Variants in HECW2 observed in about 807,000 individuals in gnomAD.
HECW2 encodes the protein HECT, C2 and WW domain containing E3 ubiquitin protein ligase 2.
Under a neutral mutation model 175.2 loss-of-function variants are expected in HECW2, and 61 were observed. That is an observed-to-expected ratio of 0.35 (90% confidence interval 0.28 to 0.43). The LOEUF (loss-of-function observed/expected upper bound fraction) is 0.43. HECW2 is among the 20% of genes least tolerant of loss of function. The pLI is 1.00. For synonymous variants in HECW2, 671 were observed against 731.0 expected, an observed-to-expected ratio of 0.92 and a Z score of 1.32; for missense variants, 1,524 against 2,000.5, an observed-to-expected ratio of 0.76 and a Z score of 4.54.
In HECW2 at chr2:196,198,924, T is replaced by C. The variant is rs1686771464; in HGVS notation, c.*2353A>G. 6.6e-6 allele frequency: 1 copy of C among 152,192 alleles called. No homozygotes were observed. Among genetic ancestry groups the C allele is most frequent in the Non-Finnish European group, 1.5e-5 (1 of 68,020 alleles). 9.4% of individuals were successfully genotyped at this position (152,192 alleles called of 1,614,324 possible). A position where few individuals can be genotyped will look rare whatever the true frequency, so the allele number is the denominator to read the frequency against. On this transcript the variant is annotated 3_prime_UTR_variant, in exon 29 of 29. Coordinates refer to ENST00000644978, the MANE Select transcript of HECW2 (RefSeq NM_001348768.2). ...ACTAGATGATTATACTAATTAAGAA[T>C]GTCTACATACATTAAAGTGTACTGT... is the stretch of plus-strand genomic sequence containing the variant.
At chr2:196,521,314 AAAAG>A (rs1469482171) in intron 1 of HECW2, among the ~76,000 whole-genome samples, 1 of 150,752 alleles carries the variant, frequency 6.6e-6, no homozygotes, top group Admixed American at 6.6e-5. Flanking sequence ...AAAAGAAAGA[AAAAG>A]AAAATCCTAT....
intron 28 of HECW2, among the ~76,000 whole-genome samples, chr2:196,210,738 C>T (rs1168361504): frequency 2.6e-5 from 4 of 151,660 alleles, no homozygotes; most frequent in East Asian, 3.9e-4. Flanking sequence ...CTCAGCCTCC[C>T]GAGTAGCTGG....
chr2:196,363,815 TC>T (rs1693670077), intron 2 of HECW2, among the ~76,000 whole-genome samples: 1 of 152,064 alleles, frequency 6.6e-6, no homozygotes, highest in African/African-American at 2.4e-5. Flanking sequence ...CAGAGTGAGA[TC>T]CTGTCTCTAA....
At chr2:196,514,639 A>G (rs1436930019) in intron 1 of HECW2, among the ~76,000 whole-genome samples, 1 of 152,156 alleles carries the variant, frequency 6.6e-6, no homozygotes, top group African/African-American at 2.4e-5. Flanking sequence ...TCCATAAAAA[A>G]TCTGAGACTC....
intron 2 of HECW2, among the ~76,000 whole-genome samples, chr2:196,413,223 G>A (rs913772961): frequency 2.6e-5 from 4 of 152,156 alleles, no homozygotes; most frequent in African/African-American, 9.7e-5. Flanking sequence ...GCATGGTGGT[G>A]TACTGCCTGC....
rs1000624681 is a variant in HECW2, at chr2:196,318,835, T to A, written c.2055A>T (p.Ala685=). The A allele has an allele frequency of 2.6e-6, 4 of 1,545,428 alleles. No individual in the cohort carries two copies. The African/African-American group carries it at 5.5e-5, about 21-fold the overall frequency. The change falls in exon 9 of 29, where the codon GCA becomes GCT. Residue 685 remains alanine, a synonymous_variant. Transcript: ENST00000644978. ...CAGGGCCACTGCTGGTGGGCTCTGC[T>A]GCACAGGCTCCGTCTTCCTCCTCCT... ...SSQEEEDGAC[A]AEPTSSGPAE...
At chr2:196,435,011 T>G (rs1246839550) in intron 1 of HECW2, among the ~76,000 whole-genome samples, 2 of 152,360 alleles carry the variant, frequency 1.3e-5, no homozygotes, top group African/African-American at 4.8e-5. Flanking sequence ...GAAGAGGACA[T>G]GCTCCTGTGC....
chr2:196,207,534 T>C (rs551541553), intron 28 of HECW2, among the ~76,000 whole-genome samples: 34 of 152,232 alleles, frequency 2.2e-4, no homozygotes, highest in Non-Finnish European at 3.1e-4. Context: ...CACAATGCCC[T>C]GACCTTCACC....
rs139647497 is a variant in HECW2, at chr2:196,536,481, C to T, written c.-36+57027G>A. Reference sequence around the variant, plus strand: ...GATACTAAAAGTTGGCATGCTCAGCCTCACAAAACTCCTGCTGCCTATGTA... The same window carrying T: ...GATACTAAAAGTTGGCATGCTCAGCTTCACAAAACTCCTGCTGCCTATGTA... On this transcript the variant is annotated intron_variant, in intron 1 of 28. Transcript: ENST00000644978. 2.7e-3 allele frequency among the ~76,000 whole-genome samples: 414 copies of T among 152,294 alleles called. 3 individuals are homozygous for T. The highest frequency in any genetic ancestry group is 9.2e-3 in the African/African-American group (382 of 41,550).
At chr2:196,434,946 G>A (rs1695827811) in intron 1 of HECW2, among the ~76,000 whole-genome samples, 1 of 152,232 alleles carries the variant, frequency 6.6e-6, no homozygotes, top group African/African-American at 2.4e-5. Flanking sequence ...AGGAGGGCAA[G>A]GGAAGATAGG....
intron 17 of HECW2, among the ~76,000 whole-genome samples, chr2:196,264,711 T>C (rs1689441240): frequency 6.6e-6 from 1 of 152,226 alleles, no homozygotes; most frequent in African/African-American, 2.4e-5. Flanking sequence ...CATTAATAGT[T>C]AAAAGAGATT....
At chr2:196,346,590 G>C (rs1348137712) in intron 2 of HECW2, among the ~76,000 whole-genome samples, 1 of 152,184 alleles carries the variant, frequency 6.6e-6, no homozygotes, top group African/African-American at 2.4e-5. Context: ...CCTTTACCAT[G>C]AAACAAGCCT....
At position 196,195,295 on chromosome 2, in the gene HECW2, G is replaced by A. The variant is rs1458475689; in HGVS notation, c.*5982C>T. 2 of 152,168 alleles carry A rather than the reference G, an allele frequency of 1.3e-5. No individual in the cohort carries two copies. Among genetic ancestry groups the A allele is most frequent in the East Asian group, 3.8e-4 (2 of 5,200 alleles). 9.4% of individuals were successfully genotyped at this position (152,168 alleles called of 1,614,324 possible). A position where few individuals can be genotyped will look rare whatever the true frequency, so the allele number is the denominator to read the frequency against. On this transcript the variant is annotated 3_prime_UTR_variant, in exon 29 of 29. Coordinates refer to ENST00000644978, the MANE Select transcript of HECW2 (RefSeq NM_001348768.2). Reference sequence around the variant, plus strand: ...ACCTGCATCAGTAATAGCTGATTCAGTTTGAATCACACAACACGGCTATCC... The same window carrying A: ...ACCTGCATCAGTAATAGCTGATTCAATTTGAATCACACAACACGGCTATCC...
rs33984882 is a variant in HECW2, at chr2:196,469,120, CGTGTGTGT to C, written c.-35-35670_-35-35663del. On this transcript the variant is annotated intron_variant, in intron 1 of 28. Coordinates refer to ENST00000644978, the MANE Select transcript of HECW2 (RefSeq NM_001348768.2). ...CTGAACCTGTGTGTGTGTGTGTGTG[CGTGTGTGT>C]GTGTGTGTGTGTGTGTGTGTGTAAA... is the stretch of plus-strand genomic sequence containing the variant. 4.2e-3 allele frequency among the ~76,000 whole-genome samples: 604 copies of C among 144,800 alleles called. 8 individuals carry two copies. Among genetic ancestry groups the C allele is most frequent in the African/African-American group, 0.013 (504 of 38,830 alleles). The allele number at this position is 144,800 out of a possible 152,430, so 95.0% of individuals were successfully genotyped here.
intron 1 of HECW2, among the ~76,000 whole-genome samples, chr2:196,572,194 G>C (rs1559181828): frequency 6.6e-6 from 1 of 152,058 alleles, no homozygotes. Flanking sequence ...TTTGTTTTGT[G>C]TTTTTTGAGA....
intron 1 of HECW2, among the ~76,000 whole-genome samples, chr2:196,582,061 A>G (rs1248312501): frequency 6.6e-6 from 1 of 151,792 alleles, no homozygotes; most frequent in Non-Finnish European, 1.5e-5. Flanking sequence ...GTGAGACTCC[A>G]TCTCGAAAAA....
At chr2:196,375,180 A>G in intron 2 of HECW2, among the ~76,000 whole-genome samples, 1 of 152,062 alleles carries the variant, frequency 6.6e-6, no homozygotes, top group Non-Finnish European at 1.5e-5. Flanking sequence ...AGAAAGAAAA[A>G]AAAGAAAAAG....
At chr2:196,473,832 A>G (rs1697313748) in intron 1 of HECW2, among the ~76,000 whole-genome samples, 4 of 152,236 alleles carry the variant, frequency 2.6e-5, no homozygotes, top group Admixed American at 2.6e-4. Flanking sequence ...TCTGTAACAC[A>G]AGTGCTAAAT....
chr2:196,367,854 T>TTGTG (rs59971469), intron 2 of HECW2, among the ~76,000 whole-genome samples: 29 of 130,230 alleles, frequency 2.2e-4, no homozygotes, highest in South Asian at 2.1e-3. Context: ...TAGTACTCCA[T>TTGTG]TGTGTGTGTG....
Sources: gnomAD v4.1 joint callset for allele counts (sites outside exome capture counted in the v4.1 genomes callset) on GRCh38, gnomAD v4.1.1 for gene constraint, MANE v1.5 for transcripts, NCBI Gene and HGNC (gene_info 2026-07-23, HGNC 2026-07-21) for gene names.